MAGI2: variants seen among roughly 807,000 people sequenced by gnomAD.
The protein encoded by MAGI2 is membrane associated guanylate kinase, WW and PDZ domain containing 2.
MAGI2 carries 35 observed loss-of-function variants against 133.3 expected under a neutral mutation model. The ratio of observed to expected loss-of-function variants is 0.26; its 90% CI spans 0.20 to 0.35. MAGI2 has a LOEUF of 0.35. MAGI2 is among the 10% of genes least tolerant of loss of function. MAGI2 has a pLI of 1.00. For missense variants in MAGI2, 1,636 were observed against 1,863.4 expected, an observed-to-expected ratio of 0.88 and a Z score of 2.25; for synonymous variants, 729 against 710.6, an observed-to-expected ratio of 1.03 and a Z score of -0.41.
chr7:78,774,646 G>C (rs1465600812), intron 2 of MAGI2, among the ~76,000 whole-genome samples: 1 of 152,168 alleles, frequency 6.6e-6, no homozygotes. Context: ...TATAGCCAGA[G>C]TGTCTCACAT....
At chr7:79,114,861 A>C (rs1018939213) in intron 1 of MAGI2, among the ~76,000 whole-genome samples, 1 of 152,136 alleles carries the variant, frequency 6.6e-6, no homozygotes, top group African/African-American at 2.4e-5. Context: ...ATCTCTTCTC[A>C]TTATTCTAAA....
intron 7 of MAGI2, among the ~76,000 whole-genome samples, chr7:78,354,289 A>G (rs542382906): frequency 6.6e-6 from 1 of 152,354 alleles, no homozygotes; most frequent in South Asian, 2.1e-4. Context: ...ATGAGTTGCT[A>G]AAATGTGCAG....
At chr7:79,026,055 T>C (rs559952879) in intron 1 of MAGI2, among the ~76,000 whole-genome samples, 1 of 152,174 alleles carries the variant, frequency 6.6e-6, no homozygotes, top group Non-Finnish European at 1.5e-5. Context: ...CATTCAATTG[T>C]CCTTACCTGA....
chr7:78,450,654 CT>C (rs948174359), intron 6 of MAGI2, among the ~76,000 whole-genome samples: 3 of 132,942 alleles, frequency 2.3e-5, no homozygotes, highest in Non-Finnish European at 3.2e-5. Context: ...TCTCTGCTTA[CT>C]TTTTTTTCTT....
intron 2 of MAGI2, among the ~76,000 whole-genome samples, chr7:78,882,445 A>T (rs1312181171): frequency 6.6e-6 from 1 of 151,990 alleles, no homozygotes; most frequent in African/African-American, 2.4e-5. Flanking sequence ...ACACACAGAA[A>T]AACTGGTACC....
intron 9 of MAGI2, among the ~76,000 whole-genome samples, chr7:78,298,661 C>T (rs558426801): frequency 2.0e-5 from 3 of 152,078 alleles, no homozygotes; most frequent in Non-Finnish European, 2.9e-5. Flanking sequence ...TGCCACCACC[C>T]TTGGCTAATT....
intron 1 of MAGI2, among the ~76,000 whole-genome samples, chr7:79,220,929 G>A (rs1830400401): frequency 3.3e-5 from 5 of 151,990 alleles, no homozygotes; most frequent in Admixed American, 3.3e-4. Flanking sequence ...CTGGGTGTAA[G>A]GGAATAAAAA....
At chr7:78,647,874 T>C (rs980838630) in intron 2 of MAGI2, among the ~76,000 whole-genome samples, 2 of 152,242 alleles carry the variant, frequency 1.3e-5, no homozygotes, top group Middle Eastern at 3.4e-3. Flanking sequence ...GAAACCATCA[T>C]TCTCAGCAAA....
intron 2 of MAGI2, among the ~76,000 whole-genome samples, chr7:78,995,558 A>G (rs1326734517): frequency 1.3e-5 from 2 of 152,016 alleles, no homozygotes; most frequent in Non-Finnish European, 2.9e-5. Context: ...CTTCCCTGAT[A>G]ATTATCCATA....
chr7:78,178,218 A>C (rs1484168426), intron 13 of MAGI2, 116 bp from the exon 14 acceptor site: 1 of 658,162 alleles, frequency 1.5e-6, no homozygotes, highest in Non-Finnish European at 2.7e-6. Context: ...GAGTGCTGTT[A>C]GGGTCAATGG....
In MAGI2 at chr7:79,164,106, T is replaced by C. The variant is rs143074360; in HGVS notation, c.302-156900A>G. ...CCTAGCACCCTGAGACCTGCTGCTGTTTATTGGCCTGCCCATGCATTCTAT... is the reference window on the plus strand; with the variant it reads ...CCTAGCACCCTGAGACCTGCTGCTGCTTATTGGCCTGCCCATGCATTCTAT... On this transcript the variant is annotated intron_variant, in intron 1 of 21. Coordinates refer to ENST00000354212, the MANE Select transcript of MAGI2 (RefSeq NM_012301.4). Among the ~76,000 whole-genome samples the C allele has an allele frequency of 1.9e-3, 292 of 152,098 alleles. 1 individual carries two copies. The highest frequency in any genetic ancestry group is 6.9e-3 in the African/African-American group (285 of 41,516).
intron 2 of MAGI2, among the ~76,000 whole-genome samples, chr7:78,655,930 G>A (rs1282383990): frequency 1.5e-5 from 2 of 137,732 alleles, no homozygotes; most frequent in African/African-American, 5.4e-5. Flanking sequence ...GCAGTGAGCC[G>A]AGATCGCGCC....
intron 1 of MAGI2, among the ~76,000 whole-genome samples, chr7:79,260,956 T>TGGATA (rs1834045125): frequency 6.6e-6 from 1 of 152,138 alleles, no homozygotes; most frequent in African/African-American, 2.4e-5. Flanking sequence ...GGTCCAAACA[T>TGGATA]GGATAAGATA....
chr7:78,662,610 A>C (rs1016190695), intron 2 of MAGI2, among the ~76,000 whole-genome samples: 1 of 152,212 alleles, frequency 6.6e-6, no homozygotes, highest in Non-Finnish European at 1.5e-5. Flanking sequence ...TTATAATGGA[A>C]TTCAATTCTA....
intron 1 of MAGI2, among the ~76,000 whole-genome samples, chr7:79,224,620 G>A (rs1468532039): frequency 6.6e-6 from 1 of 152,142 alleles, no homozygotes; most frequent in East Asian, 1.9e-4. Flanking sequence ...TCCATCAATG[G>A]AATACCACTC....
intron 9 of MAGI2, among the ~76,000 whole-genome samples, chr7:78,325,570 T>C (rs1788502681): frequency 6.6e-6 from 1 of 152,250 alleles, no homozygotes; most frequent in Admixed American, 6.5e-5. Context: ...ACACTAATTC[T>C]ATGGTCCAGA....
chr7:78,357,004 A>G lies in MAGI2; in HGVS notation c.1104-10961T>C, dbSNP rs139172370. ...TGAACTGCAACTGCCTCATCTGTAAATATTCTACTCATTTCATAGGACTGT... is the reference window on the plus strand; with the variant it reads ...TGAACTGCAACTGCCTCATCTGTAAGTATTCTACTCATTTCATAGGACTGT... On this transcript the variant is annotated intron_variant, in intron 7 of 21. Coordinates refer to ENST00000354212, the MANE Select transcript of MAGI2 (RefSeq NM_012301.4). 3.3e-3 allele frequency among the ~76,000 whole-genome samples: 502 copies of G among 152,338 alleles called. 5 individuals are homozygous for G. The highest frequency in any genetic ancestry group is 0.011 in the African/African-American group (456 of 41,576).
At chr7:79,417,156 G>A (rs1317327257) in intron 1 of MAGI2, among the ~76,000 whole-genome samples, 2 of 152,216 alleles carry the variant, frequency 1.3e-5, no homozygotes, top group East Asian at 3.9e-4. Context: ...TGTCTGACTT[G>A]CACAAATAAG....
chr7:78,884,440 G>A (rs1167237150), intron 2 of MAGI2, among the ~76,000 whole-genome samples: 1 of 152,140 alleles, frequency 6.6e-6, no homozygotes, highest in Non-Finnish European at 1.5e-5. Context: ...ACATGCCACT[G>A]CATTGCAGCC....
Sources: gnomAD v4.1 joint callset for allele counts (sites outside exome capture counted in the v4.1 genomes callset) on GRCh38, gnomAD v4.1.1 for gene constraint, MANE v1.5 for transcripts, NCBI Gene and HGNC (gene_info 2026-07-23, HGNC 2026-07-21) for gene names.